The following LINGO2 variants were observed in gnomAD, a reference collection of about 807,000 sequenced individuals.
The protein encoded by LINGO2 is leucine rich repeat and Ig domain containing 2, also known as leucine-rich repeat and immunoglobulin-like domain-containing nogo receptor-interacting protein 2.
LINGO2 carries 14 observed loss-of-function variants against 30.6 expected under a neutral mutation model. The ratio of observed to expected loss-of-function variants is 0.46; its 90% confidence interval spans 0.30 to 0.72. The LOEUF is 0.72. LINGO2 is among the 30% of genes least tolerant of loss of function. LINGO2 has a pLI of 0.07. For missense variants in LINGO2, 729 were observed against 751.7 expected (o/e 0.97, Z 0.35); for synonymous variants, 317 against 288.5 (o/e 1.10, Z -1.00).
chr9:28,717,525 A>T, the LINGO2 span, among the ~76,000 whole-genome samples: 28 of 151,748 alleles, frequency 1.8e-4, no homozygotes, highest in Non-Finnish European at 3.4e-4. Context: ...AAAGACTAAA[A>T]CTCTAAGGAG....
At chr9:29,084,032 G>A in the LINGO2 span, among the ~76,000 whole-genome samples, 2 of 151,582 alleles carry the variant, frequency 1.3e-5, no homozygotes, top group Admixed American at 1.3e-4. Flanking sequence ...ATTCAAATAG[G>A]AAAAAATCAA....
chr9:29,085,768 T>C, the LINGO2 span, among the ~76,000 whole-genome samples: 1 of 152,132 alleles, frequency 6.6e-6, no homozygotes, highest in Non-Finnish European at 1.5e-5. Context: ...ACAAATATAG[T>C]ATTATAAGTA....
chr9:27,962,349 A>G (rs1423169824), intron 5 of LINGO2, among the ~76,000 whole-genome samples: 1 of 152,106 alleles, frequency 6.6e-6, no homozygotes, highest in East Asian at 1.9e-4. Flanking sequence ...TATTGTTTAG[A>G]TTCCTTAATT....
intron 4 of LINGO2, among the ~76,000 whole-genome samples, chr9:28,057,163 C>T (rs370015673): frequency 2.0e-5 from 3 of 152,172 alleles, no homozygotes; most frequent in East Asian, 3.9e-4. Flanking sequence ...GATGTCTATG[C>T]CTGTTCTACT....
intron 3 of LINGO2, among the ~76,000 whole-genome samples, chr9:28,365,115 G>T (rs1820609242): frequency 6.6e-6 from 1 of 152,166 alleles, no homozygotes; most frequent in African/African-American, 2.4e-5. Context: ...TCAAATAAGG[G>T]AGTATAAGGT....
chr9:28,817,785 A>C, the LINGO2 span, among the ~76,000 whole-genome samples: 1 of 152,210 alleles, frequency 6.6e-6, no homozygotes. Flanking sequence ...GGGAAGATGA[A>C]AAAGCCTTAT....
chr9:28,561,014 C>T (rs1216303276), intron 1 of LINGO2, among the ~76,000 whole-genome samples: 2 of 152,032 alleles, frequency 1.3e-5, no homozygotes, highest in Admixed American at 1.3e-4. Flanking sequence ...GTGTAAAATA[C>T]ACAACGAAGA....
exon 6 of LINGO2, chr9:27,949,941 T>C (rs1303560922): frequency 3.7e-6 from 6 of 1,614,102 alleles, no homozygotes; most frequent in South Asian, 1.1e-5. Context: ...GTAGAGGCTA[T>C]TGGCAGGCAT....
the LINGO2 span, among the ~76,000 whole-genome samples, chr9:29,110,040 G>A: frequency 5.3e-5 from 8 of 152,080 alleles, no homozygotes; most frequent in South Asian, 6.2e-4. Context: ...ACCCTACCCA[G>A]GAAAACAAAT....
intron 4 of LINGO2, among the ~76,000 whole-genome samples, chr9:28,076,397 T>C (rs1393224504): frequency 6.6e-6 from 1 of 152,150 alleles, no homozygotes; most frequent in African/African-American, 2.4e-5. Context: ...CCCCAAACAG[T>C]AAACATATCT....
chr9:28,234,602 G>A (rs1821492175), intron 4 of LINGO2, among the ~76,000 whole-genome samples: 3 of 152,316 alleles, frequency 2.0e-5, no homozygotes, highest in Admixed American at 1.3e-4. Flanking sequence ...ACTTGCTGAG[G>A]CTTCCAGCCT....
chr9:28,043,565 C>G (rs1047341933), intron 4 of LINGO2, among the ~76,000 whole-genome samples: 10 of 152,180 alleles, frequency 6.6e-5, no homozygotes, highest in Middle Eastern at 3.2e-3. Flanking sequence ...GAATGCTGTT[C>G]TAGTTATTAC....
chr9:28,853,010 T>A, the LINGO2 span, among the ~76,000 whole-genome samples: 1 of 152,076 alleles, frequency 6.6e-6, no homozygotes, highest in East Asian at 1.9e-4. Flanking sequence ...AAGCTGGGTC[T>A]AACAGTGGCT....
At chr9:28,838,687 T>G in the LINGO2 span, among the ~76,000 whole-genome samples, 2 of 152,202 alleles carry the variant, frequency 1.3e-5, no homozygotes, top group African/African-American at 4.8e-5. Context: ...ACAGGATCCT[T>G]GGGGTGTCAC....
intron 4 of LINGO2, among the ~76,000 whole-genome samples, chr9:28,268,483 G>A (rs1822831572): frequency 6.6e-6 from 1 of 151,976 alleles, no homozygotes; most frequent in Non-Finnish European, 1.5e-5. Context: ...GATTCAGGTG[G>A]TCTCATAAGA....
chr9:28,270,797 T>C (rs955493141), intron 4 of LINGO2, among the ~76,000 whole-genome samples: 1 of 152,136 alleles, frequency 6.6e-6, no homozygotes, highest in Non-Finnish European at 1.5e-5. Flanking sequence ...ACATCATGCT[T>C]ACAATTTACA....
At chr9:28,009,569 C>A (rs1822451623) in intron 5 of LINGO2, among the ~76,000 whole-genome samples, 1 of 151,972 alleles carries the variant, frequency 6.6e-6, no homozygotes, top group Non-Finnish European at 1.5e-5. Flanking sequence ...ATAGATATGT[C>A]TCCCAAGAAG....
rs181040699 is a variant in LINGO2 at position 28,431,498 on chromosome 9, G to T, written c.-279+44442C>A. ...AACAATTGTTTGGAAGAAAGAAACAGAATTTTAATATTTTAGTCAAGATTG... is the reference window on the plus strand; with the variant it reads ...AACAATTGTTTGGAAGAAAGAAACATAATTTTAATATTTTAGTCAAGATTG... On this transcript the variant is annotated intron_variant, in intron 2 of 5. Coordinates refer to ENST00000379992, the Ensembl canonical transcript of LINGO2. 3.9e-5 allele frequency among the ~76,000 whole-genome samples: 6 copies of T among 152,238 alleles called. No individual in the cohort carries two copies. In the East Asian group the frequency reaches 9.7e-4, roughly 24 times the overall value.
chr9:28,643,596 T>C (rs1240374029), intron 1 of LINGO2, among the ~76,000 whole-genome samples: 2 of 151,992 alleles, frequency 1.3e-5, no homozygotes, highest in African/African-American at 4.8e-5. Flanking sequence ...CAAGAAAACA[T>C]TGAGGAAACC....
Sources: allele counts gnomAD v4.1 joint callset (sites outside exome capture counted in the v4.1 genomes callset), GRCh38; gene constraint gnomAD v4.1.1; transcripts MANE v1.5; gene names NCBI Gene and HGNC (gene_info 2026-07-23, HGNC 2026-07-21).